Variants in CLPX observed in about 807,000 individuals in gnomAD.
CLPX encodes the protein caseinolytic mitochondrial matrix peptidase chaperone subunit X, also known as ATP-dependent clpX-like chaperone, mitochondrial.
Under a neutral mutation model 76.4 loss-of-function variants are expected in CLPX, and 34 were observed. The observed-to-expected ratio is 0.45, with a 90% confidence interval of 0.34 to 0.59. The LOEUF is 0.59. Among genes scored for constraint, CLPX ranks in the 20% least tolerant of loss-of-function variants. The pLI is 0.01. For missense variants in CLPX, 613 were observed against 757.0 expected, an observed-to-expected ratio of 0.81 and a Z score of 2.23; for synonymous variants, 248 against 270.9, an observed-to-expected ratio of 0.92 and a Z score of 0.83.
intron 4 of CLPX, among the ~76,000 whole-genome samples, chr15:65,164,596 T>A (rs534386995): frequency 1.3e-5 from 2 of 152,294 alleles, no homozygotes; most frequent in Non-Finnish European, 2.9e-5. Flanking sequence ...ATAACATTCT[T>A]CACAAAGATA....
intron 6 of CLPX, among the ~76,000 whole-genome samples, chr15:65,160,369 G>T (rs1196344123): frequency 6.6e-6 from 1 of 152,088 alleles, no homozygotes; most frequent in East Asian, 1.9e-4. Flanking sequence ...TCACAATGTT[G>T]TGCCTCATTA....
intron 3 of CLPX, among the ~76,000 whole-genome samples, chr15:65,170,476 A>T (rs1438501736): frequency 6.6e-6 from 1 of 151,948 alleles, no homozygotes; most frequent in Non-Finnish European, 1.5e-5. Context: ...TTAAAAAAAC[A>T]ACTTTAGGCT....
At chr15:65,160,621 TCTCACACACA>T (rs1217729536) in intron 6 of CLPX, among the ~76,000 whole-genome samples, 17 of 128,560 alleles carry the variant, frequency 1.3e-4, no homozygotes, top group Middle Eastern at 3.8e-3. Flanking sequence ...TCTCTCTCTC[TCTCACACACA>T]CACACACACA....
At position 65,157,890 on chromosome 15, in the gene CLPX, T is replaced by C; in HGVS notation, c.913A>G (p.Thr305Ala). The C allele has an allele frequency of 6.2e-7, 1 of 1,601,456 alleles. No individual in the cohort carries two copies. The highest frequency in any genetic ancestry group is 8.5e-7 in the Non-Finnish European group (1 of 1,174,944). The stretch of plus-strand genomic sequence containing the variant: ...GGGACATCAAGGCATTTAGCTAGGG[T>C]TTGTGCCAGCAGAGTTTTACCTACA... ...TGSGKTLLAQ[T>A]LAKCLDVPFA... Residue 305 changes from threonine to alanine, a missense_variant, in exon 8 of 14, where the codon ACC (threonine) becomes GCC (alanine). By Grantham distance (58) the Thr-to-Ala change is moderately conservative (BLOSUM62 0). Around this residue, in one of 2 missense-constraint regions of CLPX, gnomAD observed 450 missense variants for 638.6 expected, o/e 0.70. Coordinates refer to ENST00000300107, the MANE Select transcript of CLPX (RefSeq NM_006660.5).
rs1225165336 is a variant in CLPX, at chr15:65,153,568, T to C, written c.1683A>G (p.Ala561=). ...TCACCATTATGGACCGAAGGCCTCGTGCACCTGTTTTTCGTTCTAGTGCCA... is the reference window on the plus strand; with the variant it reads ...TCACCATTATGGACCGAAGGCCTCGCGCACCTGTTTTTCGTTCTAGTGCCA... ...ARLALERKTG[A]RGLRSIMEKL... The change falls in exon 12 of 14, where the codon GCA becomes GCG. Residue 561 remains alanine, a synonymous_variant. Coordinates refer to ENST00000300107, the MANE Select transcript of CLPX (RefSeq NM_006660.5). 2 of 1,599,198 alleles carry C rather than the reference T, an allele frequency of 1.3e-6. No homozygotes were observed. Among genetic ancestry groups the C allele is most frequent in the South Asian group, 1.1e-5 (1 of 88,428 alleles).
intron 1 of CLPX, chr15:65,184,451 C>G (rs2088225485): frequency 6.6e-6 from 1 of 152,462 alleles, no homozygotes; most frequent in Non-Finnish European, 1.5e-5. Flanking sequence ...TTCTCCCCAT[C>G]TCTCCCGCCG....
chr15:65,165,193 T>C (rs112583059), intron 4 of CLPX, among the ~76,000 whole-genome samples: 11,566 of 151,986 alleles, frequency 0.076, 594 homozygotes, highest in Non-Finnish European at 0.11. Context: ...CTGGGCATAG[T>C]GGTAGACACC....
chr15:65,158,645 TACTTC>T lies in CLPX; in HGVS notation c.817_821del (p.Glu273IlefsTer6). 1 of 1,614,022 alleles carries T rather than the reference TACTTC, an allele frequency of 6.2e-7. No individual in the cohort carries two copies. Among genetic ancestry groups the T allele is most frequent in the Non-Finnish European group, 8.5e-7 (1 of 1,179,922 alleles). On this transcript the variant is annotated frameshift_variant, in exon 7 of 14. Coordinates refer to ENST00000300107, the MANE Select transcript of CLPX (RefSeq NM_006660.5). LOFTEE classifies it high-confidence loss of function. Reference sequence around the variant, plus strand: ...TTATGTCATCATGAGAAGAATCCAATACTTCACCTCCTCGTTTTTCCTGAGGTATT... The same window carrying T: ...TTATGTCATCATGAGAAGAATCCAATACCTCCTCGTTTTTCCTGAGGTATT...
intron 2 of CLPX, 69 bp downstream of exon 2, chr15:65,179,975 G>A (rs2088141778): frequency 9.0e-7 from 1 of 1,114,258 alleles, no homozygotes; most frequent in Non-Finnish European, 1.3e-6. Context: ...GTAAGAGACA[G>A]TACTGTTATA....
chr15:65,163,975 A>G (rs907121219), intron 5 of CLPX, 54 bp downstream of exon 5: 11 of 1,480,636 alleles, frequency 7.4e-6, no homozygotes, highest in Non-Finnish European at 1.0e-5. Flanking sequence ...TTACAAATAA[A>G]GATTACTTTT....
intron 6 of CLPX, among the ~76,000 whole-genome samples, chr15:65,161,651 A>G (rs1480065525): frequency 6.6e-6 from 1 of 152,174 alleles, no homozygotes; most frequent in Non-Finnish European, 1.5e-5. Flanking sequence ...CTGTCAACAC[A>G]ATTTATGAGT....
intron 1 of CLPX, among the ~76,000 whole-genome samples, chr15:65,184,666 C>G (rs2088230199): frequency 6.6e-6 from 1 of 152,246 alleles, no homozygotes; most frequent in Non-Finnish European, 1.5e-5. Context: ...CCCCAACGGG[C>G]CCGAGGGGGA....
rs374673884 is a variant in CLPX, at chr15:65,185,163, G to T, written c.-10C>A. On this transcript the variant is annotated 5_prime_UTR_variant, in exon 1 of 14. Transcript: ENST00000300107. ...CACCGCAGCTGGGCATCTCCGCGAG[G>T]CCTAGGCCGGGGCTTCGCCCCCTGA... 4.5e-6 allele frequency: 7 copies of T among 1,558,150 alleles called. No homozygotes were observed. Among genetic ancestry groups the T allele is most frequent in the Non-Finnish European group, 4.3e-6 (5 of 1,150,514 alleles).
chr15:65,158,163 C>T (rs761067462), intron 7 of CLPX: 11 of 362,210 alleles, frequency 3.0e-5, no homozygotes, highest in Non-Finnish European at 4.9e-5. Flanking sequence ...CTCAGGACTA[C>T]AGGCATGTGC....
intron 12 of CLPX, 90 bp downstream of exon 12, chr15:65,153,457 A>T: frequency 1.2e-6 from 1 of 802,686 alleles, no homozygotes; most frequent in Non-Finnish European, 2.1e-6. Context: ...AAATATATAT[A>T]CATATTTTCC....
chr15:65,183,270 G>C (rs1875774284), intron 1 of CLPX, among the ~76,000 whole-genome samples: 2 of 151,648 alleles, frequency 1.3e-5, no homozygotes, highest in African/African-American at 4.9e-5. Flanking sequence ...AGACCATCCT[G>C]GCTAACACGG....
intron 9 of CLPX, among the ~76,000 whole-genome samples, chr15:65,156,281 G>C (rs977675165): frequency 2.0e-5 from 3 of 151,972 alleles, no homozygotes; most frequent in Non-Finnish European, 4.4e-5. Flanking sequence ...CCTATATTTG[G>C]AGATGCTTTT....
intron 2 of CLPX, 23 bp downstream of exon 2, chr15:65,180,021 T>C (rs2088142478): frequency 6.3e-7 from 1 of 1,576,338 alleles, no homozygotes. Flanking sequence ...TGTGTACAGA[T>C]GCCAATAAGA....
At chr15:65,163,667 T>C (rs543072162) in intron 5 of CLPX, among the ~76,000 whole-genome samples, 2 of 152,294 alleles carry the variant, frequency 1.3e-5, no homozygotes, top group East Asian at 3.9e-4. Context: ...TTTGTATTTT[T>C]AGTAGAGACG....
Sources: gnomAD v4.1 joint callset for allele counts (sites outside exome capture counted in the v4.1 genomes callset) on GRCh38, gnomAD v4.1.1 for gene constraint, gnomAD v4.1.1 regional missense constraint, MANE v1.5 for transcripts, NCBI Gene and HGNC (gene_info 2026-07-23, HGNC 2026-07-21) for gene names.